Variants in SCHIP1 observed in about 807,000 individuals in gnomAD.
SCHIP1 encodes schwannomin interacting protein 1.
A neutral mutation model predicts 29.7 loss-of-function variants in SCHIP1; 8 were observed. That is an observed-to-expected ratio of 0.27 (90% CI 0.16 to 0.49). The LOEUF (loss-of-function observed/expected upper bound fraction) is 0.49, where lower values mean the gene tolerates loss of function less well. Ranked by LOEUF, SCHIP1 falls within the 20% of genes least tolerant of loss-of-function variation. The pLI is 0.99. For missense variants in SCHIP1, 193 were observed against 294.6 expected (o/e 0.66, Z 2.52); for synonymous variants, 76 against 94.9 (o/e 0.80, Z 1.16).
the SCHIP1 span, among the ~76,000 whole-genome samples, chr3:159,479,894 C>A: frequency 6.6e-6 from 1 of 152,174 alleles, no homozygotes; most frequent in Non-Finnish European, 1.5e-5. Flanking sequence ...TCTTGTGGAA[C>A]CCCCATAACC....
At chr3:159,764,381 C>T in the SCHIP1 span, 262 of 1,502,848 alleles carry the variant, frequency 1.7e-4, 2 homozygotes, top group South Asian at 1.2e-3. This position sits in a 1 kb window ranked among gnomAD's most constrained non-coding sequence, Gnocchi z 6.1. Flanking sequence ...GCATTTGGGG[C>T]GGGTGGCGGG....
At chr3:159,881,226 A>G (rs1442014510) in intron 2 of SCHIP1, among the ~76,000 whole-genome samples, 1 of 152,252 alleles carries the variant, frequency 6.6e-6, no homozygotes, top group African/African-American at 2.4e-5. Context: ...GTTACAATCC[A>G]TATTTTATGT....
the SCHIP1 span, among the ~76,000 whole-genome samples, chr3:159,639,889 A>T: frequency 9.2e-3 from 1,401 of 152,262 alleles, 25 homozygotes; most frequent in African/African-American, 0.032. Context: ...CTACCTCTTA[A>T]CATGGTTGTA....
At chr3:159,416,130 G>T in the SCHIP1 span, among the ~76,000 whole-genome samples, 3 of 152,214 alleles carry the variant, frequency 2.0e-5, no homozygotes, top group Non-Finnish European at 4.4e-5. Flanking sequence ...ATATTCTTGG[G>T]CATTTTTAAT....
the SCHIP1 span, among the ~76,000 whole-genome samples, chr3:159,762,816 G>A: frequency 6.6e-6 from 1 of 152,138 alleles, no homozygotes; most frequent in East Asian, 1.9e-4. Context: ...TTTTGAAAAC[G>A]CCAGCATAGG....
the SCHIP1 span, among the ~76,000 whole-genome samples, chr3:159,534,882 A>G: frequency 2.0e-5 from 3 of 152,202 alleles, no homozygotes; most frequent in Non-Finnish European, 4.4e-5. Flanking sequence ...TTATGTATCT[A>G]TGAAGGCTTC....
the SCHIP1 span, among the ~76,000 whole-genome samples, chr3:159,563,984 C>G: frequency 6.6e-6 from 1 of 152,146 alleles, no homozygotes; most frequent in Non-Finnish European, 1.5e-5. Flanking sequence ...CTGCCTGCCC[C>G]ATTCTCCCGT....
At chr3:159,849,793 T>A (rs1467920980) in intron 1 of SCHIP1, among the ~76,000 whole-genome samples, 1 of 152,092 alleles carries the variant, frequency 6.6e-6, no homozygotes, top group African/African-American at 2.4e-5. Context: ...CATATGTGAG[T>A]TCCACAGAAG....
chr3:159,467,097 CTG>C, the SCHIP1 span, among the ~76,000 whole-genome samples: 2 of 152,078 alleles, frequency 1.3e-5, no homozygotes, highest in Non-Finnish European at 1.5e-5. Flanking sequence ...ACCTCTATCT[CTG>C]TGTGTGTCTC....
the SCHIP1 span, among the ~76,000 whole-genome samples, chr3:159,595,530 T>C: frequency 2.6e-4 from 39 of 152,208 alleles, 2 homozygotes; most frequent in African/African-American, 9.1e-4. Flanking sequence ...TCAGGAGCCA[T>C]GCAAACCTTG....
the SCHIP1 span, among the ~76,000 whole-genome samples, chr3:159,691,950 G>A: frequency 1.3e-5 from 2 of 151,704 alleles, no homozygotes; most frequent in Non-Finnish European, 2.9e-5. Context: ...TGGCTTGTAG[G>A]GTTTCTGCAG....
the SCHIP1 span, among the ~76,000 whole-genome samples, chr3:159,355,928 G>T: frequency 2.0e-5 from 3 of 152,026 alleles, no homozygotes; most frequent in Non-Finnish European, 1.5e-5. Context: ...CTTTAATGAA[G>T]GCTGATTCTG....
the SCHIP1 span, among the ~76,000 whole-genome samples, chr3:159,732,497 A>C: frequency 6.6e-6 from 1 of 152,244 alleles, no homozygotes; most frequent in East Asian, 1.9e-4. Flanking sequence ...TGAAAGGGCT[A>C]GAGAATTTCA....
the SCHIP1 span, among the ~76,000 whole-genome samples, chr3:159,352,438 G>C: frequency 2.6e-5 from 4 of 152,082 alleles, no homozygotes; most frequent in African/African-American, 7.2e-5. Flanking sequence ...GAAATCTTGC[G>C]TATCCGTTAC....
chr3:159,421,256 A>G, the SCHIP1 span, among the ~76,000 whole-genome samples: 1 of 152,216 alleles, frequency 6.6e-6, no homozygotes. Context: ...GCTGGAATGT[A>G]TATTTTACAA....
chr3:159,465,664 T>C, the SCHIP1 span, among the ~76,000 whole-genome samples: 28 of 152,292 alleles, frequency 1.8e-4, no homozygotes, highest in Non-Finnish European at 1.6e-4. Flanking sequence ...ACATTGATTT[T>C]ATGTTATAGC....
At chr3:159,529,608 T>C in the SCHIP1 span, among the ~76,000 whole-genome samples, 72 of 152,364 alleles carry the variant, frequency 4.7e-4, no homozygotes, top group African/African-American at 1.7e-3. Context: ...TGTCTTTGTA[T>C]TGGGAACATT....
chr3:159,516,247 C>T, the SCHIP1 span, among the ~76,000 whole-genome samples: 1 of 152,172 alleles, frequency 6.6e-6, no homozygotes, highest in Admixed American at 6.6e-5. Context: ...GCTCCTGAAT[C>T]TGTCTATATG....
the SCHIP1 span, among the ~76,000 whole-genome samples, chr3:159,788,469 A>C: frequency 1.7e-4 from 26 of 152,352 alleles, no homozygotes; most frequent in African/African-American, 4.8e-4. Flanking sequence ...AGAGACACTC[A>C]ACACAATTCC....
Sources: allele counts gnomAD v4.1 joint callset (sites outside exome capture counted in the v4.1 genomes callset), GRCh38; gene constraint gnomAD v4.1.1; non-coding constraint Gnocchi (gnomAD v3.1); transcripts MANE v1.5; gene names NCBI Gene and HGNC (gene_info 2026-07-23, HGNC 2026-07-21).